The following MTR variants were observed in gnomAD, a reference collection of about 807,000 sequenced individuals.
MTR encodes the protein methionine synthase.
A neutral mutation model predicts 154.8 loss-of-function variants in MTR; 84 were observed. The observed-to-expected ratio is 0.54, with a 90% CI of 0.45 to 0.65. MTR has a LOEUF of 0.65. MTR is among the 30% of genes least tolerant of loss of function. MTR has a pLI of 0.00. For synonymous variants in MTR, 554 were observed against 553.9 expected (o/e 1.00, Z 0.00); for missense variants, 1,275 against 1,570.2 (o/e 0.81, Z 3.18).
chr1:236,805,777 C>T (rs1028654389), intron 2 of MTR, among the ~76,000 whole-genome samples: 4 of 152,114 alleles, frequency 2.6e-5, no homozygotes, highest in Non-Finnish European at 4.4e-5. Flanking sequence ...TGATTACAAG[C>T]GTGAGCCACC....
intron 22 of MTR, among the ~76,000 whole-genome samples, chr1:236,865,504 A>G (rs895422169): frequency 6.6e-6 from 1 of 152,222 alleles, no homozygotes; most frequent in Non-Finnish European, 1.5e-5. Context: ...CCTATCCTGT[A>G]TCTAATCCTT....
intron 32 of MTR, among the ~76,000 whole-genome samples, 190 bp downstream of exon 32, chr1:236,897,308 A>ACGCGCG (rs1553331060): frequency 7.6e-6 from 1 of 131,456 alleles, no homozygotes; most frequent in East Asian, 2.3e-4. Context: ...AGCCACACAC[A>ACGCGCG]CGCACACACA....
In MTR at chr1:236,832,420, A is replaced by G. The variant is rs551316472; in HGVS notation, c.1188+342A>G. ...TCTTCTCACAAATCCTTCTAGGGAA[A>G]GGGAAAGACAAGAAAATTCCTGTCA... On this transcript the variant is annotated intron_variant, in intron 13 of 32. Transcript: ENST00000366577. Among the ~76,000 whole-genome samples the G allele has an allele frequency of 1.8e-4, 28 of 152,362 alleles. No individual in the cohort carries two copies. The South Asian group carries it at 5.4e-3, about 29-fold the overall frequency.
At chr1:236,873,950 G>A in intron 23 of MTR, 110 bp downstream of exon 23, 1 of 1,098,154 alleles carries the variant, frequency 9.1e-7, no homozygotes, top group Non-Finnish European at 1.4e-6. Context: ...GGGTTCTGTG[G>A]GACATACAAT....
At chr1:236,847,260 A>G (rs1351502326) in intron 15 of MTR, among the ~76,000 whole-genome samples, 2 of 152,068 alleles carry the variant, frequency 1.3e-5, no homozygotes, top group African/African-American at 4.8e-5. Flanking sequence ...CCCATCTTCA[A>G]CTACTTCAGT....
intron 6 of MTR, among the ~76,000 whole-genome samples, chr1:236,813,463 T>A (rs1440776023): frequency 6.6e-6 from 1 of 152,214 alleles, no homozygotes; most frequent in Non-Finnish European, 1.5e-5. Context: ...TTACCCTCAT[T>A]TGCGACTGGA....
intron 23 of MTR, 114 bp downstream of exon 23, chr1:236,873,954 A>G (rs1214684815): frequency 5.6e-6 from 6 of 1,069,286 alleles, no homozygotes; most frequent in African/African-American, 3.1e-5. Context: ...TCTGTGGGAC[A>G]TACAATCAAG....
chr1:236,800,552 TTTC>T, intron 1 of MTR: 1 of 911,082 alleles, frequency 1.1e-6, no homozygotes, highest in Non-Finnish European at 1.3e-6. Flanking sequence ...CACTGAGTAT[TTTC>T]TTCTTTCACT....
intron 18 of MTR, among the ~76,000 whole-genome samples, chr1:236,857,401 A>G (rs1167938179): frequency 6.6e-6 from 1 of 152,192 alleles, no homozygotes; most frequent in Non-Finnish European, 1.5e-5. Context: ...ATTCCCTTAA[A>G]AATGTGACTT....
chr1:236,825,303 C>T (rs1402117991), intron 9 of MTR, 35 bp from the exon 10 acceptor site: 1 of 1,522,138 alleles, frequency 6.6e-7, no homozygotes, highest in African/African-American at 1.4e-5. Context: ...ATTTTTAAGG[C>T]AATTTGCAAT....
rs1558297592 is a variant in MTR at position 236,835,685 on chromosome 1, A to G, written c.1327A>G (p.Lys443Glu). Residue 443 changes from lysine to glutamate, a missense_variant and splice_region_variant, in exon 14 of 33, where the codon AAG becomes GAG. Lys to Glu is a moderately conservative substitution (Grantham distance 56). Coordinates refer to ENST00000366577, the MANE Select transcript of MTR (RefSeq NM_000254.3). ...NLIASEPDIA[K>E]VPLCIDSSNF... ...AATTGCTTCCGAGCCAGACATCGCA[A>G]AGGTTATACAAAGTTTATGTTTATC... 5.6e-6 allele frequency: 9 copies of G among 1,612,932 alleles called. No individual in the cohort carries two copies. Among genetic ancestry groups the G allele is most frequent in the Non-Finnish European group, 7.6e-6 (9 of 1,179,820 alleles).
chr1:236,835,161 A>G (rs1045537145), intron 13 of MTR, among the ~76,000 whole-genome samples: 1 of 151,950 alleles, frequency 6.6e-6, no homozygotes, highest in African/African-American at 2.4e-5. Flanking sequence ...TTCCAAGCAG[A>G]GGGAACAACG....
At position 236,806,252 on chromosome 1, in the gene MTR, C is replaced by T. The variant is rs199843808; in HGVS notation, c.339+19C>T. On this transcript the variant is annotated intron_variant, in intron 3 of 32. Transcript: ENST00000366577. ...ACACTTGGTAAGAATTCCATTGTTC[C>T]ATGTGTCTAAGATGCTTACGAGCGT... 2.1e-5 allele frequency: 34 copies of T among 1,594,364 alleles called. No homozygotes were observed. In the East Asian group the frequency reaches 6.9e-4, roughly 32 times the overall value.
rs765424002 is a variant in MTR at position 236,895,284 on chromosome 1, CA to C, written c.3406-73del. On this transcript the variant is annotated intron_variant, in intron 30 of 32. Coordinates refer to ENST00000366577, the MANE Select transcript of MTR (RefSeq NM_000254.3). The stretch of plus-strand genomic sequence containing the variant: ...GGAGGGTGTCCTCATGGTTCTAATT[CA>C]GGGGGTGGAGGCTGCACTGATGCTG... The C allele has an allele frequency of 9.0e-5, 135 of 1,496,340 alleles. 1 individual carries two copies. The highest frequency in any genetic ancestry group is 1.1e-4 in the Non-Finnish European group (121 of 1,096,718). The allele number at this position is 1,496,340 out of a possible 1,614,324, so 92.7% of individuals were successfully genotyped here. A position where few individuals can be genotyped will look rare whatever the true frequency, so the allele number is the denominator to read the frequency against.
At chr1:236,800,023 C>G (rs958751034) in intron 1 of MTR, 19 of 981,558 alleles carry the variant, frequency 1.9e-5, no homozygotes, top group Non-Finnish European at 2.3e-5. Flanking sequence ...AAATAGTGAA[C>G]TGTCTTAAAG....
At chr1:236,829,129 G>T (rs2103116811) in intron 11 of MTR, 60 bp from the exon 12 acceptor site, 1 of 1,325,406 alleles carries the variant, frequency 7.5e-7, no homozygotes, top group East Asian at 2.4e-5. Context: ...TTTGAAATTA[G>T]TTTCATTAAA....
intron 1 of MTR, among the ~76,000 whole-genome samples, chr1:236,798,568 G>T (rs1660532834): frequency 6.6e-6 from 1 of 152,186 alleles, no homozygotes; most frequent in Non-Finnish European, 1.5e-5. Context: ...AGGCTCACTA[G>T]CCAAGGATGT....
intron 18 of MTR, among the ~76,000 whole-genome samples, chr1:236,854,859 G>A (rs1664113028): frequency 6.6e-6 from 1 of 152,170 alleles, no homozygotes; most frequent in South Asian, 2.1e-4. Context: ...AAGAGGTTTT[G>A]CCCCTGGAGG....
chr1:236,894,887 AC>A, intron 30 of MTR: 1 of 386,546 alleles, frequency 2.6e-6, no homozygotes, highest in Middle Eastern at 7.5e-4. Flanking sequence ...AAAATTAAAA[AC>A]AAATTTTTAT....
Sources: allele counts gnomAD v4.1 joint callset (sites outside exome capture counted in the v4.1 genomes callset), GRCh38; gene constraint gnomAD v4.1.1; transcripts MANE v1.5; gene names NCBI Gene and HGNC (gene_info 2026-07-23, HGNC 2026-07-21).